The following DST variants were observed in gnomAD, a reference collection of about 807,000 sequenced individuals.
DST encodes dystonin.
A neutral mutation model predicts 875.2 loss-of-function variants in DST; 253 were observed. That is an observed-to-expected ratio of 0.29 (90% CI 0.26 to 0.32). The LOEUF (loss-of-function observed/expected upper bound fraction) is 0.32, where lower values mean the gene tolerates loss of function less well. Among genes scored for constraint, DST ranks in the 10% least tolerant of loss-of-function variants. DST has a pLI of 1.00. For synonymous variants in DST, 3,124 were observed against 3,197.1 expected (o/e 0.98, Z 0.77); for missense variants, 8,287 against 9,111.6 (o/e 0.91, Z 3.68).
At chr6:56,593,516 C>CCAAAAAAAAAA (rs766214285) in intron 48 of DST, 147 bp downstream of exon 48, 3 of 277,526 alleles carry the variant, frequency 1.1e-5, no homozygotes, top group African/African-American at 8.1e-5. Context: ...GACTCCTTCT[C>CCAAAAAAAAAA]AAAAAAAAAA....
At chr6:56,470,394 T>C (rs1469944136) in intron 95 of DST, 112 bp from the exon 96 acceptor site, 4 of 805,968 alleles carry the variant, frequency 5.0e-6, no homozygotes, top group Admixed American at 7.0e-5. Flanking sequence ...TGATCAAATA[T>C]ATTAAAATCC....
intron 90 of DST, among the ~76,000 whole-genome samples, chr6:56,480,539 C>T (rs11753813): frequency 0.32 from 48,590 of 151,980 alleles, 8,024 homozygotes; most frequent in Middle Eastern, 0.43. Flanking sequence ...AAGAAGTCTC[C>T]AGTTCTGGTG....
intron 9 of DST, among the ~76,000 whole-genome samples, chr6:56,682,155 G>A (rs756628174): frequency 2.0e-5 from 3 of 152,032 alleles, no homozygotes; most frequent in South Asian, 2.1e-4. Context: ...TCAGAAAGTC[G>A]TCACTTTTAT....
chr6:56,736,989 C>A (rs1293991123), intron 4 of DST, among the ~76,000 whole-genome samples: 1 of 89,406 alleles, frequency 1.1e-5, no homozygotes, highest in Non-Finnish European at 2.2e-5. Flanking sequence ...GCCTGGGCAA[C>A]ATGATGAAAT....
chr6:56,832,616 CAAA>C (rs34510405), intron 4 of DST, among the ~76,000 whole-genome samples: 1 of 132,258 alleles, frequency 7.6e-6, no homozygotes, highest in East Asian at 2.4e-4. Flanking sequence ...AATAACACTG[CAAA>C]AAAAAAAAAA....
At chr6:56,492,552 C>A (rs915870893) in intron 84 of DST, 119 bp from the exon 85 acceptor site, 1 of 1,048,372 alleles carries the variant, frequency 9.5e-7, no homozygotes, top group South Asian at 1.5e-5. Context: ...TTTCGAAATA[C>A]CAAATGCATG....
chr6:56,878,270 C>G (rs1387945766), intron 3 of DST, among the ~76,000 whole-genome samples: 2 of 152,118 alleles, frequency 1.3e-5, no homozygotes, highest in African/African-American at 4.8e-5. Context: ...ATGCCTTAAA[C>G]CAAGGGAGAG....
intron 100 of DST, chr6:56,464,152 G>T (rs2094467946): frequency 5.5e-6 from 2 of 366,348 alleles, no homozygotes; most frequent in South Asian, 4.4e-5. Context: ...GACCAGTAAG[G>T]CAGGGACTGT....
intron 9 of DST, chr6:56,693,096 A>T: frequency 1.6e-6 from 2 of 1,289,352 alleles, no homozygotes; most frequent in Non-Finnish European, 2.0e-6. Context: ...TTTTGGCAGG[A>T]TCTACATATT....
intron 3 of DST, among the ~76,000 whole-genome samples, chr6:56,885,893 C>G (rs573767763): frequency 3.9e-5 from 6 of 152,320 alleles, no homozygotes; most frequent in African/African-American, 1.4e-4. Context: ...CCCCATCGAT[C>G]TTAGTAATAC....
intron 3 of DST, among the ~76,000 whole-genome samples, chr6:56,890,721 A>G (rs1485618539): frequency 6.6e-6 from 1 of 152,218 alleles, no homozygotes; most frequent in Non-Finnish European, 1.5e-5. Context: ...TTCACATAAC[A>G]CTTCAAGAGG....
chr6:56,486,966 G>T, intron 87 of DST, 138 bp downstream of exon 87: 1 of 696,628 alleles, frequency 1.4e-6, no homozygotes, highest in Non-Finnish European at 2.3e-6. Flanking sequence ...TGCTATGTGT[G>T]TGGGATACTT....
At chr6:56,635,033 T>G (rs1299854414) in intron 24 of DST, 80 bp from the exon 25 acceptor site, 2 of 1,225,270 alleles carry the variant, frequency 1.6e-6, no homozygotes, top group African/African-American at 1.5e-5. Context: ...CAAATTAAAC[T>G]TCATCAGAAA....
chr6:56,591,226 C>T lies in DST; in HGVS notation c.12903+956G>A, dbSNP rs538026359. ...AAATAGATTTAAGAACTCTCCACCACTGTATGACTGAGAATCGCACTGTTA... is the reference window on the plus strand; with the variant it reads ...AAATAGATTTAAGAACTCTCCACCATTGTATGACTGAGAATCGCACTGTTA... On this transcript the variant is annotated intron_variant, in intron 49 of 103. Transcript: ENST00000680361. Among the ~76,000 whole-genome samples the T allele has an allele frequency of 2.6e-5, 4 of 152,354 alleles. No individual in the cohort carries two copies. The South Asian group carries it at 6.2e-4, about 24-fold the overall frequency.
chr6:56,672,312 G>A (rs1210294254), intron 9 of DST, among the ~76,000 whole-genome samples: 1 of 152,144 alleles, frequency 6.6e-6, no homozygotes, highest in Non-Finnish European at 1.5e-5. Context: ...CATGCCCCAT[G>A]GAGCTTCACT....
rs2098466096 is a variant in DST at position 56,603,554 on chromosome 6, C to T, written c.10941+10G>A. On this transcript the variant is annotated intron_variant, in intron 41 of 103. Coordinates refer to ENST00000680361, the MANE Select transcript of DST (RefSeq NM_001374736.1). ...CTACCATCCATAAAGAGGCAGTAGACAATTCTTACCTCCAACTGTCTAAGT... is the reference window on the plus strand; with the variant it reads ...CTACCATCCATAAAGAGGCAGTAGATAATTCTTACCTCCAACTGTCTAAGT... 6 of 1,602,000 alleles carry T rather than the reference C, an allele frequency of 3.7e-6. No individual in the cohort carries two copies. In the African/African-American group the frequency reaches 5.4e-5, roughly 14 times the overall value.
chr6:56,749,162 G>T (rs901770001), intron 4 of DST, among the ~76,000 whole-genome samples: 4 of 152,164 alleles, frequency 2.6e-5, no homozygotes, highest in Middle Eastern at 3.4e-3. Context: ...GTTTAAGGCT[G>T]GCCAACATGG....
chr6:56,639,800 C>G (rs763609575), intron 19 of DST, 27 bp from the exon 20 acceptor site: 1 of 1,603,870 alleles, frequency 6.2e-7, no homozygotes. Context: ...AAAAGACACT[C>G]CAGTCAGGAA....
intron 2 of DST, 103 bp downstream of exon 2, chr6:56,953,682 G>T: frequency 1.2e-6 from 1 of 808,568 alleles, no homozygotes. Context: ...CAGCATGTTC[G>T]TCATTCAGTG....
Sources: allele counts gnomAD v4.1 joint callset (sites outside exome capture counted in the v4.1 genomes callset), GRCh38; gene constraint gnomAD v4.1.1; transcripts MANE v1.5; gene names NCBI Gene and HGNC (gene_info 2026-07-23, HGNC 2026-07-21).